Variants in ARHGAP40 observed in about 807,000 individuals in gnomAD.
ARHGAP40 encodes the protein rho GTPase-activating protein 40.
ARHGAP40 carries 43 observed loss-of-function variants against 73.5 expected under a neutral mutation model. The ratio of observed to expected loss-of-function variants is 0.58; its 90% CI spans 0.46 to 0.75. The LOEUF (loss-of-function observed/expected upper bound fraction) is 0.75. ARHGAP40 is among the 30% of genes least tolerant of loss of function. ARHGAP40 has a pLI of 0.00. For missense variants in ARHGAP40, 734 were observed against 861.8 expected (o/e 0.85, Z 1.86); for synonymous variants, 300 against 352.8 (o/e 0.85, Z 1.68).
intron 1 of ARHGAP40, among the ~76,000 whole-genome samples, chr20:38,618,108 T>C (rs1280195662): frequency 6.6e-6 from 1 of 152,044 alleles, no homozygotes; most frequent in Non-Finnish European, 1.5e-5. Context: ...GACTTTTTTT[T>C]TTTTTTTCTG....
rs558327945 is a variant in ARHGAP40, at chr20:38,616,294, C to T, written c.138-7065C>T. On this transcript the variant is annotated intron_variant, in intron 1 of 14. Transcript: ENST00000373345. ...CGGCTGTTGCTCTTCCAGCCTTCCCCACTGGGGACAATCTCAATTCATTGC... is the reference window on the plus strand; with the variant it reads ...CGGCTGTTGCTCTTCCAGCCTTCCCTACTGGGGACAATCTCAATTCATTGC... 7.2e-5 allele frequency among the ~76,000 whole-genome samples: 11 copies of T among 152,346 alleles called. No homozygotes were observed. In the South Asian group the frequency reaches 1.7e-3, roughly 23 times the overall value.
At chr20:38,638,798 A>T in exon 8 of ARHGAP40, 1 of 1,305,410 alleles carries the variant, frequency 7.7e-7, no homozygotes, top group Non-Finnish European at 1.0e-6. Flanking sequence ...CTGGACATGG[A>T]AGGCATTCTC....
intron 3 of ARHGAP40, among the ~76,000 whole-genome samples, chr20:38,628,343 C>T (rs555882975): frequency 1.3e-5 from 2 of 150,590 alleles, no homozygotes; most frequent in East Asian, 1.9e-4. Flanking sequence ...CTCGCTCTGT[C>T]GCCCAGGCTA....
At chr20:38,606,814 T>C (rs1040424355) in intron 1 of ARHGAP40, among the ~76,000 whole-genome samples, 1 of 152,186 alleles carries the variant, frequency 6.6e-6, no homozygotes, top group African/African-American at 2.4e-5. Flanking sequence ...TCAACTGATC[T>C]CTCCAGACAC....
rs1329314178 is a variant in ARHGAP40 at position 38,632,301 on chromosome 20, T to C, written c.784-2319T>C. ...TTTTTGAGACGGAGTCTCGCTCTAT[T>C]GCCCAGGCTGGAGTGCAGTGGTGCA... is the stretch of plus-strand genomic sequence containing the variant. On this transcript the variant is annotated intron_variant, in intron 5 of 14. Transcript: ENST00000373345. Among the ~76,000 whole-genome samples the C allele has an allele frequency of 2.0e-5, 3 of 151,766 alleles. No homozygotes were observed. The East Asian group carries it at 5.8e-4, about 29-fold the overall frequency.
At chr20:38,641,830 C>A in intron 10 of ARHGAP40, 22 bp downstream of exon 10, 2 of 1,263,952 alleles carry the variant, frequency 1.6e-6, no homozygotes, top group Non-Finnish European at 2.1e-6. Flanking sequence ...CATGCACCAC[C>A]ACCACTCTGC....
At chr20:38,627,413 T>G (rs917619816) in intron 3 of ARHGAP40, among the ~76,000 whole-genome samples, 198 bp downstream of exon 3, 1 of 113,008 alleles carries the variant, frequency 8.8e-6, no homozygotes, top group Non-Finnish European at 2.0e-5. Context: ...GGGGTATGTG[T>G]GTTGGGGGTG....
chr20:38,650,210 C>T, exon 15 of ARHGAP40: 1 of 394,100 alleles, frequency 2.5e-6, no homozygotes, highest in Admixed American at 3.2e-5. Flanking sequence ...CTTCCTACAC[C>T]AAGCTTGCTG....
chr20:38,624,620 T>C (rs1463433376), intron 2 of ARHGAP40, among the ~76,000 whole-genome samples: 1 of 141,112 alleles, frequency 7.1e-6, no homozygotes, highest in Admixed American at 7.0e-5. Flanking sequence ...TCCTTGACCC[T>C]AAAAGCACTT....
rs796585465 is a variant in ARHGAP40, at chr20:38,645,008, TC to T, written c.1570-1036del. 1.6e-4 allele frequency among the ~76,000 whole-genome samples: 24 copies of T among 152,278 alleles called. No individual in the cohort carries two copies. The East Asian group carries it at 4.6e-3, about 29-fold the overall frequency. On this transcript the variant is annotated intron_variant, in intron 11 of 14. Transcript: ENST00000373345. ...AGCAAGTGAAGCCCTCTCTGACTGT[TC>T]CCACTTTTCTTCCTACCCTGCCTGG... is the stretch of plus-strand genomic sequence containing the variant.
chr20:38,648,994 C>A (rs943135017), intron 14 of ARHGAP40, among the ~76,000 whole-genome samples: 1 of 152,204 alleles, frequency 6.6e-6, no homozygotes, highest in Non-Finnish European at 1.5e-5. Context: ...CCAGTGAAAC[C>A]GACGCCTCTG....
intron 5 of ARHGAP40, among the ~76,000 whole-genome samples, chr20:38,631,137 C>T (rs2088935385): frequency 1.3e-5 from 2 of 151,990 alleles, no homozygotes; most frequent in Admixed American, 6.6e-5. Flanking sequence ...CATAACAATA[C>T]CCCATCTCTA....
intron 13 of ARHGAP40, among the ~76,000 whole-genome samples, chr20:38,647,585 G>T (rs911308801): frequency 6.6e-6 from 1 of 152,100 alleles, no homozygotes; most frequent in Non-Finnish European, 1.5e-5. Flanking sequence ...TAGAGACAGG[G>T]TTTTACTATG....
intron 1 of ARHGAP40, among the ~76,000 whole-genome samples, chr20:38,602,625 G>A (rs190370937): frequency 1.2e-4 from 19 of 152,308 alleles, no homozygotes; most frequent in African/African-American, 4.3e-4. Flanking sequence ...AACAGTGCAG[G>A]AATACTGTAC....
chr20:38,637,181 T>C (rs2088980331), intron 6 of ARHGAP40, among the ~76,000 whole-genome samples: 1 of 151,986 alleles, frequency 6.6e-6, no homozygotes, highest in Non-Finnish European at 1.5e-5. Context: ...ACTTTGCTCT[T>C]GTCACCCAGG....
chr20:38,615,295 C>T (rs2145597001), intron 1 of ARHGAP40: 3 of 772,346 alleles, frequency 3.9e-6, no homozygotes, highest in Admixed American at 1.7e-5. Context: ...CCGGAGGGAG[C>T]AGTCGACATT....
chr20:38,613,828 A>C (rs1002143812), intron 1 of ARHGAP40, among the ~76,000 whole-genome samples: 2 of 152,234 alleles, frequency 1.3e-5, no homozygotes, highest in Non-Finnish European at 2.9e-5. Flanking sequence ...TGACTTTCAT[A>C]ACCCACAGAT....
Position 38,629,497 on chromosome 20 carries a change from C to A in ARHGAP40, c.635-5C>A, listed in dbSNP as rs538573424. 2 of 1,305,304 alleles carry A rather than the reference C, an allele frequency of 1.5e-6. No individual in the cohort carries two copies. The highest frequency in any genetic ancestry group is 2.0e-6 in the Non-Finnish European group (2 of 988,890). The allele number at this position is 1,305,304 out of a possible 1,614,324, so 80.9% of individuals were successfully genotyped here. A position where few individuals can be genotyped will look rare whatever the true frequency, so the allele number is the denominator to read the frequency against. ...TTTCTCTGCTTTGTTTCCCCCGCCC[C>A]GCAGCAGCAGAGCCTGGGGGGCTGC... On this transcript the variant is annotated splice_region_variant and splice_polypyrimidine_tract_variant and intron_variant, in intron 4 of 14. Coordinates refer to ENST00000373345, the Ensembl canonical transcript of ARHGAP40.
At chr20:38,623,584 A>C in intron 2 of ARHGAP40, 26 bp downstream of exon 2, 1 of 1,267,382 alleles carries the variant, frequency 7.9e-7, no homozygotes, top group Non-Finnish European at 1.0e-6. Context: ...GGGGGCCTAT[A>C]GGGGTGGTGG....
Sources: gnomAD v4.1 joint callset for allele counts (sites outside exome capture counted in the v4.1 genomes callset) on GRCh38, gnomAD v4.1.1 for gene constraint, MANE v1.5 for transcripts, NCBI Gene and HGNC (gene_info 2026-07-23, HGNC 2026-07-21) for gene names.